The following PSKH2 variants were observed in gnomAD, a reference collection of about 807,000 sequenced individuals.
The protein encoded by PSKH2 is protein serine kinase H2, also known as serine/threonine-protein kinase H2.
Under a neutral mutation model 22.5 loss-of-function variants are expected in PSKH2, and 16 were observed. That is an observed-to-expected ratio of 0.71 (90% CI 0.48 to 1.08). PSKH2 has a LOEUF of 1.08. PSKH2 is among the 50% of genes least tolerant of loss of function. The pLI is 0.00. For synonymous variants in PSKH2, 188 were observed against 184.8 expected (o/e 1.02, Z -0.14); for missense variants, 516 against 492.8 (o/e 1.05, Z -0.44).
intron 2 of PSKH2, among the ~76,000 whole-genome samples, chr8:86,057,668 G>T (rs915374983): frequency 6.6e-6 from 1 of 152,050 alleles, no homozygotes. Context: ...GGGATTACAG[G>T]CATGAGCCAC....
At chr8:86,052,779 CTTTAT>C (rs1817650754) in intron 2 of PSKH2, among the ~76,000 whole-genome samples, 1 of 152,088 alleles carries the variant, frequency 6.6e-6, no homozygotes, top group Non-Finnish European at 1.5e-5. Context: ...AAAAGGAGAA[CTTTAT>C]TTTATCCCAA....
At chr8:86,066,886 T>A (rs1817869575) in intron 1 of PSKH2, among the ~76,000 whole-genome samples, 1 of 152,096 alleles carries the variant, frequency 6.6e-6, no homozygotes, top group Non-Finnish European at 1.5e-5. Flanking sequence ...GCTTTTCTAT[T>A]CACATGCATT....
intron 2 of PSKH2, among the ~76,000 whole-genome samples, chr8:86,060,010 T>C (rs915674194): frequency 6.6e-6 from 1 of 152,182 alleles, no homozygotes; most frequent in African/African-American, 2.4e-5. Flanking sequence ...TATCCTAAAC[T>C]AGGAAAGATT....
chr8:86,058,852 T>C (rs1817739402), intron 2 of PSKH2, among the ~76,000 whole-genome samples: 1 of 152,208 alleles, frequency 6.6e-6, no homozygotes, highest in South Asian at 2.1e-4. Context: ...GTATAATATT[T>C]AGTATTATAT....
chr8:86,064,478 C>A lies in PSKH2; in HGVS notation c.339G>T (p.Arg113=), dbSNP rs377308417. The part of the protein sequence containing the change: ...EACVSELSVL[R]RVSHRYIVQL... Reference sequence around the variant, plus strand: ...GGACAATGTAACGATGGCTAACCCGCCGCAGGACGCTCAGCTCAGACACGC... The same window carrying A: ...GGACAATGTAACGATGGCTAACCCGACGCAGGACGCTCAGCTCAGACACGC... Residue 113 remains arginine (R), a synonymous_variant, in exon 2 of 3, where the codon CGG becomes CGT. Transcript: ENST00000276616. The A allele has an allele frequency of 2.8e-5, 46 of 1,614,096 alleles. 3 individuals carry two copies. The Admixed American group carries it at 3.5e-4, about 12-fold the overall frequency.
At chr8:86,049,726 G>A (rs972322857) in intron 2 of PSKH2, among the ~76,000 whole-genome samples, 1 of 62,382 alleles carries the variant, frequency 1.6e-5, no homozygotes, top group Admixed American at 1.9e-4. Context: ...AAGAAAGAAA[G>A]AAAGAAAGAA....
chr8:86,058,151 T>C (rs1479942913), intron 2 of PSKH2, among the ~76,000 whole-genome samples: 1 of 152,170 alleles, frequency 6.6e-6, no homozygotes, highest in African/African-American at 2.4e-5. Context: ...GGCAATCAAG[T>C]AGATAAGTGA....
At chr8:86,049,392 C>A (rs1270750253) in intron 2 of PSKH2, among the ~76,000 whole-genome samples, 1 of 151,944 alleles carries the variant, frequency 6.6e-6, no homozygotes, top group Non-Finnish European at 1.5e-5. Flanking sequence ...AACCCCATCT[C>A]TACAAAAAAT....
intron 2 of PSKH2, among the ~76,000 whole-genome samples, chr8:86,057,911 A>G (rs1817724950): frequency 1.3e-5 from 2 of 152,062 alleles, no homozygotes; most frequent in Non-Finnish European, 2.9e-5. Flanking sequence ...ACATTAAAGC[A>G]CTTGTATTTG....
intron 2 of PSKH2, among the ~76,000 whole-genome samples, chr8:86,060,663 C>T (rs1051414799): frequency 6.6e-6 from 1 of 152,116 alleles, no homozygotes; most frequent in Admixed American, 6.6e-5. Flanking sequence ...ATTATGGCAG[C>T]CTGCACTGAC....
At chr8:86,057,536 G>A (rs759913797) in intron 2 of PSKH2, among the ~76,000 whole-genome samples, 24 of 151,926 alleles carry the variant, frequency 1.6e-4, no homozygotes, top group Non-Finnish European at 2.1e-4. Flanking sequence ...ACAGGCACGC[G>A]CCACCACACC....
At chr8:86,049,723 AAAGAAAGAAAG>A (rs1817592728) in intron 2 of PSKH2, among the ~76,000 whole-genome samples, 1 of 68,806 alleles carries the variant, frequency 1.5e-5, no homozygotes, top group Non-Finnish European at 2.9e-5. Flanking sequence ...AGAAAGAAAG[AAAGAAAGAAAG>A]AAAGAAAGAA....
Position 86,069,589 on chromosome 8 carries a change from C to T in PSKH2, c.34G>A (p.Gly12Arg). The change falls in exon 1 of 3, where the codon GGG becomes AGG. Residue 12 changes from glycine to arginine, a missense_variant. Gly to Arg is a moderately radical substitution (Grantham distance 125). Transcript: ENST00000276616. ...TTGGCCCAAGCCAGCGCTGGTGGCC[C>T]CGGGACCACCTTCCTGCTGGCGCCG... The part of the protein sequence containing the change: ...GCGASRKVVP[G>R]PPALAWAKHE... 1 of 1,595,948 alleles carries T rather than the reference C, an allele frequency of 6.3e-7. No homozygotes were observed. The highest frequency in any genetic ancestry group is 8.5e-7 in the Non-Finnish European group (1 of 1,173,188).
At position 86,047,239 on chromosome 8, in the gene PSKH2, T is replaced by C. The variant is rs1042523775; in HGVS notation, c.*1223A>G. On this transcript the variant is annotated 3_prime_UTR_variant, in exon 3 of 3. Transcript: ENST00000276616. ...GTAAAATATTTGCCCATTTTTCTAT[T>C]ATTTATCTAATGAATTTGTAAGTGT... Among the ~76,000 whole-genome samples, 4 of 152,192 alleles carry C rather than the reference T, an allele frequency of 2.6e-5. No homozygotes were observed. The highest frequency in any genetic ancestry group is 2.6e-4 in the Admixed American group (4 of 15,276).
intron 2 of PSKH2, among the ~76,000 whole-genome samples, chr8:86,049,767 GAGA>G (rs1817601994): frequency 4.0e-5 from 5 of 124,060 alleles, no homozygotes; most frequent in Non-Finnish European, 7.2e-5. Context: ...AAGAAAGAAA[GAGA>G]AAAGAAAGAA....
chr8:86,057,199 T>C (rs2130153839), intron 2 of PSKH2, among the ~76,000 whole-genome samples: 1 of 151,826 alleles, frequency 6.6e-6, no homozygotes, highest in Non-Finnish European at 1.5e-5. Context: ...ACTGGGATTA[T>C]AAATATAAGC....
At chr8:86,058,016 G>T (rs1004710239) in intron 2 of PSKH2, among the ~76,000 whole-genome samples, 4 of 152,210 alleles carry the variant, frequency 2.6e-5, no homozygotes, top group East Asian at 1.9e-4. Context: ...CACGAGGAAG[G>T]CCTGACCAGA....
intron 2 of PSKH2, among the ~76,000 whole-genome samples, chr8:86,053,551 G>T (rs1280181765): frequency 6.6e-6 from 1 of 152,118 alleles, no homozygotes; most frequent in East Asian, 1.9e-4. Context: ...ATATATTCAA[G>T]ATTAAAATTT....
intron 1 of PSKH2, among the ~76,000 whole-genome samples, chr8:86,067,818 G>A (rs116221514): frequency 0.011 from 1,626 of 152,260 alleles, 27 homozygotes; most frequent in African/African-American, 0.036. Context: ...GAAGGAAGAC[G>A]ACTGTGTTCT....
Sources: allele counts gnomAD v4.1 joint callset (sites outside exome capture counted in the v4.1 genomes callset), GRCh38; gene constraint gnomAD v4.1.1; transcripts MANE v1.5; gene names NCBI Gene and HGNC (gene_info 2026-07-23, HGNC 2026-07-21).